The following SETBP1 variants were observed in gnomAD, a reference collection of about 807,000 sequenced individuals.
The protein encoded by SETBP1 is SET binding protein 1.
In SETBP1, 9 loss-of-function variants were observed where a neutral mutation model predicts 101.0. That is an observed-to-expected ratio of 0.09 (90% CI 0.05 to 0.16). The LOEUF (loss-of-function observed/expected upper bound fraction) is 0.16. Ranked by LOEUF, SETBP1 falls within the 10% of genes least tolerant of loss-of-function variation. The pLI is 1.00. For synonymous variants in SETBP1, 818 were observed against 788.5 expected, an observed-to-expected ratio of 1.04 and a Z score of -0.63; for missense variants, 1,858 against 2,033.8, an observed-to-expected ratio of 0.91 and a Z score of 1.66.
intron 2 of SETBP1, among the ~76,000 whole-genome samples, chr18:44,816,807 C>CTTTCAAA (rs1396473461): frequency 6.6e-6 from 1 of 152,156 alleles, no homozygotes; most frequent in Non-Finnish European, 1.5e-5. Flanking sequence ...AAAAAAACAC[C>CTTTCAAA]TTTCAAATTT....
chr18:44,739,233 C>A (rs910959102), intron 2 of SETBP1, among the ~76,000 whole-genome samples: 1 of 152,188 alleles, frequency 6.6e-6, no homozygotes, highest in Non-Finnish European at 1.5e-5. Context: ...TAATTCTGTT[C>A]CGCTTTAATT....
At chr18:44,688,987 T>A (rs2068883493) in intron 1 of SETBP1, among the ~76,000 whole-genome samples, 2 of 152,056 alleles carry the variant, frequency 1.3e-5, no homozygotes, top group Admixed American at 1.3e-4. Flanking sequence ...CCTGGGAGAG[T>A]GGGCAGTGTA....
intron 2 of SETBP1, among the ~76,000 whole-genome samples, chr18:44,782,092 G>T (rs1002655068): frequency 6.6e-6 from 1 of 152,184 alleles, no homozygotes; most frequent in African/African-American, 2.4e-5. Context: ...TAGGAATGCA[G>T]AACGACCTCA....
intron 2 of SETBP1, among the ~76,000 whole-genome samples, chr18:44,758,902 A>G (rs2070569824): frequency 6.6e-6 from 1 of 152,188 alleles, no homozygotes; most frequent in African/African-American, 2.4e-5. Flanking sequence ...TTGTCCATTG[A>G]TGGAAAAGCC....
At chr18:44,698,854 AT>A (rs1050216212) in intron 1 of SETBP1, among the ~76,000 whole-genome samples, 2 of 152,014 alleles carry the variant, frequency 1.3e-5, no homozygotes, top group Non-Finnish European at 1.5e-5. Flanking sequence ...TTTGTATTGA[AT>A]TTTTTTTGTG....
chr18:44,857,899 G>A (rs895747739), intron 2 of SETBP1, among the ~76,000 whole-genome samples: 1 of 152,160 alleles, frequency 6.6e-6, no homozygotes, highest in Non-Finnish European at 1.5e-5. Flanking sequence ...TCTGTGAGAT[G>A]AGCACAGAGT....
intron 3 of SETBP1, among the ~76,000 whole-genome samples, chr18:44,936,688 A>G (rs1348355143): frequency 1.3e-5 from 2 of 152,132 alleles, no homozygotes; most frequent in African/African-American, 4.8e-5. Context: ...CAGCCAACAC[A>G]GAAAGGGATG....
intron 4 of SETBP1, among the ~76,000 whole-genome samples, chr18:44,994,134 G>C (rs574704133): frequency 6.6e-6 from 1 of 151,966 alleles, no homozygotes; most frequent in African/African-American, 2.4e-5. Flanking sequence ...AGAACTGCTA[G>C]AGTTTAATAA....
chr18:44,824,567 T>C (rs774997119), intron 2 of SETBP1, among the ~76,000 whole-genome samples: 1 of 152,216 alleles, frequency 6.6e-6, no homozygotes, highest in Non-Finnish European at 1.5e-5. Flanking sequence ...TGATTGCGCC[T>C]CTATATTTCT....
chr18:44,941,902 T>C (rs1166933336), intron 3 of SETBP1, among the ~76,000 whole-genome samples: 1 of 152,222 alleles, frequency 6.6e-6, no homozygotes, highest in Admixed American at 6.5e-5. Context: ...TTGCACATTT[T>C]CATAGTAGCT....
intron 3 of SETBP1, among the ~76,000 whole-genome samples, chr18:44,899,053 C>A: frequency 6.6e-6 from 1 of 152,080 alleles, no homozygotes; most frequent in East Asian, 1.9e-4. Context: ...AGTCTGGGGT[C>A]CTCCATGAAT....
intron 3 of SETBP1, among the ~76,000 whole-genome samples, chr18:44,922,403 A>G (rs566878377): frequency 6.6e-6 from 1 of 152,324 alleles, no homozygotes; most frequent in South Asian, 2.1e-4. Flanking sequence ...CTAATAAACT[A>G]TATTCTGGTC....
At chr18:44,985,928 A>T (rs2072222463) in intron 4 of SETBP1, among the ~76,000 whole-genome samples, 1 of 152,226 alleles carries the variant, frequency 6.6e-6, no homozygotes, top group Non-Finnish European at 1.5e-5. Context: ...ACTCCACTAG[A>T]GTCTTGTTCC....
rs565425208 is a variant in SETBP1, at chr18:44,738,785, A to G, written c.486+36953A>G. On this transcript the variant is annotated intron_variant, in intron 2 of 5. Coordinates refer to ENST00000649279, the MANE Select transcript of SETBP1 (RefSeq NM_015559.3). Reference sequence around the variant, plus strand: ...CGAGACTCCATCTCAAAAAAAAAAAAAAAAAAGAAAAAAGGAAGACGGTAT... The same window carrying G: ...CGAGACTCCATCTCAAAAAAAAAAAGAAAAAAGAAAAAAGGAAGACGGTAT... Among the ~76,000 whole-genome samples the G allele has an allele frequency of 3.3e-5, 5 of 151,854 alleles. No individual in the cohort carries two copies. The East Asian group carries it at 7.7e-4, about 23-fold the overall frequency.
At chr18:45,000,018 A>T (rs1428988791) in intron 4 of SETBP1, among the ~76,000 whole-genome samples, 2 of 152,234 alleles carry the variant, frequency 1.3e-5, no homozygotes, top group Non-Finnish European at 2.9e-5. Flanking sequence ...AAATTTTCTC[A>T]TCTGTAGTCC....
chr18:44,899,224 C>T (rs1231089366), intron 3 of SETBP1, among the ~76,000 whole-genome samples: 3 of 152,152 alleles, frequency 2.0e-5, no homozygotes, highest in African/African-American at 7.2e-5. Context: ...TTTAAATATT[C>T]TCTAGAACAA....
chr18:44,799,018 G>T (rs2071542302), intron 2 of SETBP1, among the ~76,000 whole-genome samples: 1 of 152,108 alleles, frequency 6.6e-6, no homozygotes, highest in Non-Finnish European at 1.5e-5. Context: ...TCAATTATTT[G>T]CTTGTGTTTA....
chr18:44,923,278 A>G (rs538163893), intron 3 of SETBP1, among the ~76,000 whole-genome samples: 1 of 152,318 alleles, frequency 6.6e-6, no homozygotes, highest in East Asian at 1.9e-4. Flanking sequence ...ATTCAGCTCA[A>G]TTCCATTTGT....
Position 45,038,521 on chromosome 18 carries a change from C to A in SETBP1, c.4037C>A (p.Ala1346Glu), listed in dbSNP as rs973611154. The change falls in exon 5 of 6, where the codon GCA becomes GAA. Residue 1346 changes from alanine (A) to glutamate (E), a missense_variant. This residue lies in a region of SETBP1 where 417 missense variants were observed against 389.1 expected (regional missense o/e 1.07). Coordinates refer to ENST00000649279, the MANE Select transcript of SETBP1 (RefSeq NM_015559.3). Reference sequence around the variant, plus strand: ...CCCCACTTAAAAGTGGACCAGACAGCAGTGCATAGTAAGAACGAAGGCTCA... The same window carrying A: ...CCCCACTTAAAAGTGGACCAGACAGAAGTGCATAGTAAGAACGAAGGCTCA... ...PSPHLKVDQT[A>E]VHSKNEGSVP... 4 of 1,613,990 alleles carry A rather than the reference C, an allele frequency of 2.5e-6. No individual in the cohort carries two copies. The highest frequency in any genetic ancestry group is 3.4e-6 in the Non-Finnish European group (4 of 1,180,014).
Sources: allele counts gnomAD v4.1 joint callset (sites outside exome capture counted in the v4.1 genomes callset), GRCh38; gene constraint gnomAD v4.1.1; regional missense constraint gnomAD v4.1.1; transcripts MANE v1.5; gene names NCBI Gene and HGNC (gene_info 2026-07-23, HGNC 2026-07-21).